Variants in NKAIN3 observed in about 807,000 individuals in gnomAD.
NKAIN3 encodes sodium/potassium-transporting ATPase subunit beta-1-interacting protein 3.
Under a neutral mutation model 30.2 loss-of-function variants are expected in NKAIN3, and 25 were observed. That is an observed-to-expected ratio of 0.83 (90% confidence interval 0.60 to 1.16). The LOEUF (loss-of-function observed/expected upper bound fraction) is 1.16, where lower values mean the gene tolerates loss of function less well. Among genes scored for constraint, NKAIN3 ranks in the 50% most tolerant of loss-of-function variants. NKAIN3 has a pLI of 0.00. For synonymous variants in NKAIN3, 91 were observed against 89.6 expected (o/e 1.02, Z -0.09); for missense variants, 225 against 254.1 (o/e 0.89, Z 0.78).
chr8:62,321,119 T>C (rs1814877398), intron 1 of NKAIN3, among the ~76,000 whole-genome samples: 1 of 152,232 alleles, frequency 6.6e-6, no homozygotes, highest in Non-Finnish European at 1.5e-5. Context: ...TTCCAGTTGA[T>C]CAAATCAGCT....
intron 1 of NKAIN3, among the ~76,000 whole-genome samples, chr8:62,295,462 A>G (rs1718479786): frequency 6.6e-6 from 1 of 152,144 alleles, no homozygotes; most frequent in South Asian, 2.1e-4. Context: ...CATGGTTTGA[A>G]TCCTGATTCA....
chr8:62,707,377 C>G lies in NKAIN3; in HGVS notation c.274-39555C>G, dbSNP rs540813177. Among the ~76,000 whole-genome samples, 55 of 152,256 alleles carry G rather than the reference C, an allele frequency of 3.6e-4. No homozygotes were observed. The South Asian group carries it at 0.011, about 31-fold the overall frequency. ...AGCAGTGTTTCCTGTTCGCCACACT[C>G]ACACCAACATCTACTGTTTTTTGAT... On this transcript the variant is annotated intron_variant, in intron 3 of 6. Transcript: ENST00000623646.
chr8:62,638,411 A>G (rs1341937613), intron 3 of NKAIN3, among the ~76,000 whole-genome samples: 1 of 152,160 alleles, frequency 6.6e-6, no homozygotes, highest in Non-Finnish European at 1.5e-5. Flanking sequence ...TTCAAATGAG[A>G]GTCACAGAGA....
chr8:62,578,564 A>G (rs1344900179), intron 1 of NKAIN3, among the ~76,000 whole-genome samples: 1 of 152,114 alleles, frequency 6.6e-6, no homozygotes, highest in African/African-American at 2.4e-5. Flanking sequence ...CATTATCACC[A>G]CTGGCAATCT....
At chr8:62,705,405 G>A (rs2130478651) in intron 3 of NKAIN3, among the ~76,000 whole-genome samples, 1 of 152,212 alleles carries the variant, frequency 6.6e-6, no homozygotes, top group South Asian at 2.1e-4. Context: ...GACAACATTG[G>A]ACCTAGCAAT....
chr8:62,474,878 T>C (rs1351986951), intron 1 of NKAIN3, among the ~76,000 whole-genome samples: 1 of 152,168 alleles, frequency 6.6e-6, no homozygotes, highest in African/African-American at 2.4e-5. Flanking sequence ...AAGGTTATTT[T>C]TTCTTCTAAA....
chr8:62,745,630 C>A (rs1816044791), intron 3 of NKAIN3, among the ~76,000 whole-genome samples: 1 of 152,260 alleles, frequency 6.6e-6, no homozygotes, highest in South Asian at 2.1e-4. Context: ...ACATTAACAC[C>A]CCAGAAATAC....
intron 1 of NKAIN3, among the ~76,000 whole-genome samples, chr8:62,260,314 T>A (rs1278062062): frequency 1.3e-5 from 2 of 152,170 alleles, no homozygotes; most frequent in Non-Finnish European, 2.9e-5. Context: ...TCAAGTTATA[T>A]TTCCTGTGCT....
In NKAIN3 at chr8:62,972,130, T is replaced by C. The variant is rs1429647393; in HGVS notation, c.*6723T>C. On this transcript the variant is annotated 3_prime_UTR_variant, in exon 7 of 7. Coordinates refer to ENST00000623646, the MANE Select transcript of NKAIN3 (RefSeq NM_001304533.3). ...TGGTAGTGTTGTTATTTTCTTGTTA[T>C]TCAGTTTAACAAGTACATAATCAAC... is the stretch of plus-strand genomic sequence containing the variant. Among the ~76,000 whole-genome samples, 1 of 152,172 alleles carries C rather than the reference T, an allele frequency of 6.6e-6. No individual in the cohort carries two copies. Among genetic ancestry groups the C allele is most frequent in the African/African-American group, 2.4e-5 (1 of 41,448 alleles).
At chr8:62,307,425 T>C (rs141113973) in intron 1 of NKAIN3, among the ~76,000 whole-genome samples, 2,136 of 150,244 alleles carry the variant, frequency 0.014, 41 homozygotes, top group Non-Finnish European at 0.02. Context: ...CTTTTATATA[T>C]TTAATTTTCT....
intron 5 of NKAIN3, among the ~76,000 whole-genome samples, chr8:62,926,355 A>AAAGCTGGC (rs1473670972): frequency 6.6e-6 from 1 of 152,184 alleles, no homozygotes; most frequent in Non-Finnish European, 1.5e-5. Context: ...ACGGTCTCAC[A>AAAGCTGGC]AAGCTGGCTC....
chr8:62,818,508 A>G (rs1318584933), intron 4 of NKAIN3, among the ~76,000 whole-genome samples: 1 of 152,042 alleles, frequency 6.6e-6, no homozygotes, highest in East Asian at 1.9e-4. Flanking sequence ...TCATATTTCT[A>G]TGCCAACTTT....
At chr8:62,368,371 A>C (rs1043798567) in intron 1 of NKAIN3, among the ~76,000 whole-genome samples, 5 of 152,198 alleles carry the variant, frequency 3.3e-5, no homozygotes, top group Admixed American at 3.3e-4. Flanking sequence ...AGTAGACAGA[A>C]TAGAGGGCCA....
At chr8:62,500,477 G>A (rs936879845) in intron 1 of NKAIN3, among the ~76,000 whole-genome samples, 30 of 121,860 alleles carry the variant, frequency 2.5e-4, no homozygotes, top group African/African-American at 7.6e-4. Context: ...AAGAAAGAAA[G>A]AAAGAAAGAA....
intron 1 of NKAIN3, among the ~76,000 whole-genome samples, chr8:62,485,327 T>C (rs1277165608): frequency 6.6e-6 from 1 of 152,204 alleles, no homozygotes; most frequent in Non-Finnish European, 1.5e-5. Context: ...GTATATGTAA[T>C]TTCAAGATAG....
At chr8:62,899,590 G>C (rs1191813592) in intron 4 of NKAIN3, among the ~76,000 whole-genome samples, 1 of 152,126 alleles carries the variant, frequency 6.6e-6, no homozygotes, top group African/African-American at 2.4e-5. Flanking sequence ...GCTGGGAAGG[G>C]TAGCGGGAGG....
At chr8:62,509,234 A>G (rs1391726037) in intron 1 of NKAIN3, among the ~76,000 whole-genome samples, 1 of 152,046 alleles carries the variant, frequency 6.6e-6, no homozygotes. Context: ...AGAAGCTGGG[A>G]AAGGTATTAT....
intron 4 of NKAIN3, chr8:62,863,788 C>G (rs1284496337): frequency 8.7e-6 from 14 of 1,611,246 alleles, no homozygotes; most frequent in Admixed American, 1.7e-5. Context: ...AGAAGTGCCC[C>G]CATCCAAGCT....
intron 1 of NKAIN3, among the ~76,000 whole-genome samples, chr8:62,258,483 CA>C (rs764069823): frequency 4.0e-5 from 6 of 151,338 alleles, no homozygotes; most frequent in Middle Eastern, 3.2e-3. Context: ...CCCCTCTCTC[CA>C]AAAAAAGGAA....
Sources: allele counts gnomAD v4.1 joint callset (sites outside exome capture counted in the v4.1 genomes callset), GRCh38; gene constraint gnomAD v4.1.1; transcripts MANE v1.5; gene names NCBI Gene and HGNC (gene_info 2026-07-23, HGNC 2026-07-21).